Variants in NADK observed in about 807,000 individuals in gnomAD.
NADK encodes the protein NAD kinase.
Under a neutral mutation model 49.8 loss-of-function variants are expected in NADK, and 22 were observed. That is an observed-to-expected ratio of 0.44 (90% CI 0.32 to 0.63). NADK has a LOEUF of 0.63. NADK is among the 30% of genes least tolerant of loss of function. The probability of loss-of-function intolerance (pLI) is 0.06; values close to 1 mark genes in which losing one functional copy is unlikely to be tolerated. For synonymous variants in NADK, 268 were observed against 253.7 expected (o/e 1.06, Z -0.54); for missense variants, 438 against 609.4 (o/e 0.72, Z 2.96).
At chr1:1,776,499 G>C (rs1334600374) in intron 1 of NADK, among the ~76,000 whole-genome samples, 2 of 152,194 alleles carry the variant, frequency 1.3e-5, no homozygotes, top group Non-Finnish European at 2.9e-5. Context: ...AGTGAGGCAA[G>C]CTGTGGTGGC....
chr1:1,753,923 G>A, intron 10 of NADK, 128 bp downstream of exon 10: 1 of 1,221,486 alleles, frequency 8.2e-7, no homozygotes, highest in Non-Finnish European at 1.1e-6. Context: ...GCACAGGATG[G>A]CCCTAGGATG....
intron 1 of NADK, among the ~76,000 whole-genome samples, chr1:1,775,576 G>A (rs904478446): frequency 3.3e-5 from 5 of 152,218 alleles, no homozygotes; most frequent in Non-Finnish European, 7.3e-5. Flanking sequence ...CAGATTACAG[G>A]TCTGAAGGGG....
intron 3 of NADK, 105 bp downstream of exon 3, chr1:1,761,847 A>T (rs1387863125): frequency 1.0e-6 from 1 of 986,930 alleles, no homozygotes; most frequent in African/African-American, 1.6e-5. Flanking sequence ...ACAACTCCAC[A>T]CACATCCCGA....
At chr1:1,775,723 T>G (rs1646191792) in intron 1 of NADK, among the ~76,000 whole-genome samples, 1 of 152,172 alleles carries the variant, frequency 6.6e-6, no homozygotes, top group Non-Finnish European at 1.5e-5. Flanking sequence ...ACATCCCATC[T>G]GCCTCAATTT....
chr1:1,767,898 C>G (rs1020020091), intron 1 of NADK, among the ~76,000 whole-genome samples: 6 of 152,078 alleles, frequency 3.9e-5, no homozygotes, highest in African/African-American at 1.4e-4. Context: ...GTTAAATGGG[C>G]GCGGTGGCAC....
rs1325751463 is a variant in NADK, at chr1:1,778,205, C to G, written c.-41+84G>C. The stretch of plus-strand genomic sequence containing the variant: ...GGGCAGGGCCGGCCTGGTGTCTCCC[C>G]GCCTGGCCGCGCGCTCGCGGGCAGC... On this transcript the variant is annotated intron_variant, in intron 1 of 11. Coordinates refer to ENST00000341426, the MANE Select transcript of NADK (RefSeq NM_023018.5). This position sits in a 1 kb window ranked among gnomAD's most constrained non-coding sequence, Gnocchi z 4.9. 6.6e-6 allele frequency: 1 copy of G among 152,224 alleles called. No individual in the cohort carries two copies. The highest frequency in any genetic ancestry group is 6.5e-5 in the Admixed American group (1 of 15,286). The allele number at this position is 152,224 out of a possible 1,614,324, so 9.4% of individuals were successfully genotyped here.
At chr1:1,772,966 G>C (rs1223215750) in intron 1 of NADK, among the ~76,000 whole-genome samples, 1 of 151,202 alleles carries the variant, frequency 6.6e-6, no homozygotes, top group Non-Finnish European at 1.5e-5. Context: ...ACTTGAACCT[G>C]GGAGGGGGAG....
chr1:1,765,534 T>G lies in NADK; in HGVS notation c.-40-88A>C, dbSNP rs528802200. 8 of 658,902 alleles carry G rather than the reference T, an allele frequency of 1.2e-5. No individual in the cohort carries two copies. In the East Asian group the frequency reaches 2.0e-4, roughly 17 times the overall value. The allele number at this position is 658,902 out of a possible 1,614,324, so 40.8% of individuals were successfully genotyped here. A position where few individuals can be genotyped will look rare whatever the true frequency, so the allele number is the denominator to read the frequency against. The stretch of plus-strand genomic sequence containing the variant: ...TTACACATACATATGTTCCATTTCA[T>G]CAAGGGGAAAAAATGGCTGAAGTCC... On this transcript the variant is annotated intron_variant, in intron 1 of 11. Transcript: ENST00000341426.
chr1:1,776,461 GAAAC>G (rs78150100), intron 1 of NADK, among the ~76,000 whole-genome samples: 59,951 of 151,646 alleles, frequency 0.4, 14,258 homozygotes, highest in Admixed American at 0.55. Flanking sequence ...AAGTTCAAAT[GAAAC>G]AAACAAACAA....
chr1:1,761,915 T>G, intron 3 of NADK, 37 bp downstream of exon 3: 3 of 1,592,354 alleles, frequency 1.9e-6, no homozygotes, highest in Non-Finnish European at 2.6e-6. Flanking sequence ...GTTCTCTCCC[T>G]TCCAAGAACC....
At chr1:1,773,588 A>G (rs1308055070) in intron 1 of NADK, among the ~76,000 whole-genome samples, 2 of 151,882 alleles carry the variant, frequency 1.3e-5, no homozygotes, top group Non-Finnish European at 2.9e-5. Flanking sequence ...CCGTCTCTAC[A>G]AAAACATTAA....
At chr1:1,779,702 GT>G (rs1440495874), upstream of NADK, among the ~76,000 whole-genome samples, 14 of 151,650 alleles carry the variant, frequency 9.2e-5, no homozygotes, top group Admixed American at 9.2e-4. Context: ...TAGAGATGAG[GT>G]TTTACCATTT....
chr1:1,756,656 T>A lies in NADK; in HGVS notation c.394-48A>T, dbSNP rs370529405. ...CTCATTCCACCTGCAGACCCCACCC[T>A]CCTGCAGGGAGGTTCCCGACTCACG... On this transcript the variant is annotated intron_variant, in intron 4 of 11. Transcript: ENST00000341426. 16 of 1,612,386 alleles carry A rather than the reference T, an allele frequency of 9.9e-6. No individual in the cohort carries two copies. The highest frequency in any genetic ancestry group is 1.7e-5 in the Admixed American group (1 of 59,796).
intron 1 of NADK, 82 bp from the exon 2 acceptor site, chr1:1,765,528 A>AT (rs1645859760): frequency 4.3e-6 from 3 of 695,668 alleles, no homozygotes; most frequent in African/African-American, 1.9e-5. Flanking sequence ...CATATGTTCC[A>AT]TTTCATCAAG....
chr1:1,778,962 TG>T (rs1266652763), upstream of NADK, among the ~76,000 whole-genome samples: 3 of 152,168 alleles, frequency 2.0e-5, no homozygotes, highest in Non-Finnish European at 4.4e-5. The surrounding 1 kb of genome is among the most constrained non-coding windows in gnomAD (Gnocchi z 4.9). Flanking sequence ...TGACACGGTG[TG>T]GGCCGAGCCG....
At chr1:1,765,854 A>G (rs1645869701) in intron 1 of NADK, among the ~76,000 whole-genome samples, 5 of 152,102 alleles carry the variant, frequency 3.3e-5, no homozygotes, top group Admixed American at 3.3e-4. Flanking sequence ...AGGCTGCAGT[A>G]AGTCGAGATC....
At chr1:1,775,395 T>C (rs1048137564) in intron 1 of NADK, among the ~76,000 whole-genome samples, 2 of 152,178 alleles carry the variant, frequency 1.3e-5, no homozygotes, top group African/African-American at 2.4e-5. Flanking sequence ...ACCTCAACCC[T>C]GAGTGGGAAA....
intron 2 of NADK, 85 bp from the exon 3 acceptor site, chr1:1,762,120 G>A (rs1016789996): frequency 8.6e-7 from 1 of 1,159,642 alleles, no homozygotes; most frequent in Non-Finnish European, 1.3e-6. Context: ...AGGTTACACG[G>A]TAAGGCATAC....
intron 2 of NADK, among the ~76,000 whole-genome samples, 187 bp from the exon 3 acceptor site, chr1:1,762,222 G>A (rs1369974577): frequency 6.6e-6 from 1 of 152,248 alleles, no homozygotes; most frequent in Non-Finnish European, 1.5e-5. Flanking sequence ...CACTGGAGCG[G>A]CACCTGTGAG....
Sources: gnomAD v4.1 joint callset for allele counts (sites outside exome capture counted in the v4.1 genomes callset) on GRCh38, gnomAD v4.1.1 for gene constraint, Gnocchi (gnomAD v3.1) non-coding constraint, MANE v1.5 for transcripts, NCBI Gene and HGNC (gene_info 2026-07-23, HGNC 2026-07-21) for gene names.